The following GPR141 variants were observed in gnomAD, a reference collection of about 807,000 sequenced individuals.
The protein encoded by GPR141 is G protein-coupled receptor 141.
A neutral mutation model predicts 6.8 loss-of-function variants in GPR141; 6 were observed. The ratio of observed to expected loss-of-function variants is 0.88; its 90% confidence interval spans 0.48 to 1.74. GPR141 has a LOEUF of 1.74. Among genes scored for constraint, GPR141 ranks in the 40% most tolerant of loss-of-function variants. GPR141 has a pLI of 0.01. For synonymous variants in GPR141, 140 were observed against 142.3 expected (o/e 0.98, Z 0.11); for missense variants, 372 against 372.9 (o/e 1.00, Z 0.02).
intron 1 of GPR141, among the ~76,000 whole-genome samples, 157 bp downstream of exon 1, chr7:37,684,060 A>T (rs1175642996): frequency 6.6e-6 from 1 of 152,182 alleles, no homozygotes; most frequent in Non-Finnish European, 1.5e-5. Flanking sequence ...CCTTTATAGA[A>T]AGAATTGTTC....
intron 2 of GPR141, among the ~76,000 whole-genome samples, chr7:37,704,798 C>T (rs189722106): frequency 1.4e-3 from 211 of 152,262 alleles, no homozygotes; most frequent in African/African-American, 4.7e-3. Flanking sequence ...CTCATTTACT[C>T]GCTTACCTTT....
chr7:37,713,970 A>T (rs901851864), intron 2 of GPR141, among the ~76,000 whole-genome samples: 1 of 152,152 alleles, frequency 6.6e-6, no homozygotes, highest in Non-Finnish European at 1.5e-5. Context: ...TGGTAATAAG[A>T]TCAGAATTCA....
At chr7:37,722,083 ATC>A (rs1362068076) in intron 2 of GPR141, among the ~76,000 whole-genome samples, 1 of 152,226 alleles carries the variant, frequency 6.6e-6, no homozygotes, top group East Asian at 1.9e-4. Context: ...GGCACTATTA[ATC>A]TATATCCACA....
At chr7:37,719,309 A>T (rs1175944049) in intron 2 of GPR141, among the ~76,000 whole-genome samples, 2 of 152,038 alleles carry the variant, frequency 1.3e-5, no homozygotes, top group Non-Finnish European at 2.9e-5. Flanking sequence ...CAAATCATAC[A>T]CTCTTGGGAT....
chr7:37,732,134 T>TTCTC (rs202235335), intron 2 of GPR141, among the ~76,000 whole-genome samples: 18 of 145,380 alleles, frequency 1.2e-4, no homozygotes, highest in Admixed American at 6.9e-5. Context: ...CTCCTTTTCT[T>TTCTC]TCTCTCTCTC....
intron 2 of GPR141, among the ~76,000 whole-genome samples, chr7:37,727,491 T>G (rs1811692256): frequency 6.6e-6 from 1 of 152,216 alleles, no homozygotes; most frequent in African/African-American, 2.4e-5. Context: ...TCTGAGGACA[T>G]TTTAAAGTTA....
At chr7:37,732,282 G>C (rs543636198) in intron 2 of GPR141, among the ~76,000 whole-genome samples, 69 of 138,846 alleles carry the variant, frequency 5.0e-4, no homozygotes, top group African/African-American at 1.5e-3. Context: ...TCATTGCTTT[G>C]AATGGCAAAA....
chr7:37,708,064 T>C (rs1810606383), intron 2 of GPR141, among the ~76,000 whole-genome samples: 1 of 152,090 alleles, frequency 6.6e-6, no homozygotes, highest in South Asian at 2.1e-4. Context: ...GTATATGACC[T>C]CTAAGCTAGT....
chr7:37,730,333 AAT>A (rs1397365437), intron 2 of GPR141, among the ~76,000 whole-genome samples: 6 of 152,212 alleles, frequency 3.9e-5, no homozygotes, highest in Admixed American at 2.0e-4. Context: ...TCTAAATAAT[AAT>A]AACAAGTGTA....
chr7:37,720,999 T>C (rs913126658), intron 2 of GPR141, among the ~76,000 whole-genome samples: 2 of 152,146 alleles, frequency 1.3e-5, no homozygotes, highest in African/African-American at 4.8e-5. Flanking sequence ...AACAATACAG[T>C]TGAAAAACAA....
chr7:37,707,453 C>G (rs974838324), intron 2 of GPR141, among the ~76,000 whole-genome samples: 3 of 152,160 alleles, frequency 2.0e-5, no homozygotes, highest in African/African-American at 7.2e-5. Flanking sequence ...CATTGATGAA[C>G]TACAGTGTCC....
intron 2 of GPR141, among the ~76,000 whole-genome samples, chr7:37,734,618 C>T (rs1306058399): frequency 6.6e-6 from 1 of 152,166 alleles, no homozygotes; most frequent in Non-Finnish European, 1.5e-5. Flanking sequence ...AGAGGTGATT[C>T]TTTTATCTTC....
At chr7:37,720,256 G>C (rs1811253046) in intron 2 of GPR141, among the ~76,000 whole-genome samples, 1 of 152,172 alleles carries the variant, frequency 6.6e-6, no homozygotes. Flanking sequence ...CACTCATCCT[G>C]GGTTCACAGG....
intron 2 of GPR141, among the ~76,000 whole-genome samples, chr7:37,730,968 A>G (rs893789325): frequency 1.4e-4 from 22 of 152,242 alleles, no homozygotes. Flanking sequence ...ACTCTAACAG[A>G]CACATAAATT....
At chr7:37,685,752 CTTTT>C (rs35789715) in intron 2 of GPR141, among the ~76,000 whole-genome samples, 169 bp downstream of exon 2, 2 of 113,148 alleles carry the variant, frequency 1.8e-5, no homozygotes. Flanking sequence ...CCTGGCAGCA[CTTTT>C]TTTTTTTTTT....
At chr7:37,726,995 T>C (rs1190204298) in intron 2 of GPR141, among the ~76,000 whole-genome samples, 1 of 152,212 alleles carries the variant, frequency 6.6e-6, no homozygotes, top group East Asian at 1.9e-4. Context: ...TTCGTATTAC[T>C]AGTTAAACTG....
intron 2 of GPR141, among the ~76,000 whole-genome samples, chr7:37,729,566 C>G (rs1811811997): frequency 6.6e-6 from 1 of 152,142 alleles, no homozygotes; most frequent in Non-Finnish European, 1.5e-5. Context: ...AAGTTAAAAA[C>G]AAGTCCACAA....
Position 37,740,839 on chromosome 7 carries a change from C to A in GPR141, c.446C>A (p.Pro149His). The A allele has an allele frequency of 6.2e-7, 1 of 1,614,086 alleles. No homozygotes were observed. The change falls in exon 3 of 3, where the codon CCC becomes CAC. Residue 149 changes from proline (P) to histidine (H), a missense_variant. Transcript: ENST00000334425. ...ACGCTGGTGATTGTCATTGTGGTAC[C>A]CCTGGTTGTCTCCCGGTATGGAATC... is the stretch of plus-strand genomic sequence containing the variant. Reference protein sequence around the residue: ...MWTLVIVIVVPLVVSRYGIHE... With the variant: ...MWTLVIVIVVHLVVSRYGIHE...
At chr7:37,706,086 C>T (rs1810508731) in intron 2 of GPR141, among the ~76,000 whole-genome samples, 2 of 152,168 alleles carry the variant, frequency 1.3e-5, no homozygotes, top group Non-Finnish European at 2.9e-5. Flanking sequence ...GACCCACTGG[C>T]GAACTACAGG....
Sources: allele counts gnomAD v4.1 joint callset (sites outside exome capture counted in the v4.1 genomes callset), GRCh38; gene constraint gnomAD v4.1.1; transcripts MANE v1.5; gene names NCBI Gene and HGNC (gene_info 2026-07-23, HGNC 2026-07-21).